The following ATAD2B variants were observed in gnomAD, a reference collection of about 807,000 sequenced individuals.
ATAD2B encodes ATPase family AAA domain-containing protein 2B.
ATAD2B carries 40 observed loss-of-function variants against 167.6 expected under a neutral mutation model. The ratio of observed to expected loss-of-function variants is 0.24; its 90% CI spans 0.19 to 0.31. The LOEUF is 0.31. Among genes scored for constraint, ATAD2B ranks in the 10% least tolerant of loss-of-function variants. ATAD2B has a pLI of 1.00. For synonymous variants in ATAD2B, 579 were observed against 596.5 expected, an observed-to-expected ratio of 0.97 and a Z score of 0.43; for missense variants, 1,242 against 1,757.2, an observed-to-expected ratio of 0.71 and a Z score of 5.24.
rs143077264 is a variant in ATAD2B, at chr2:23,769,145, T to C, written c.3134-3517A>G. On this transcript the variant is annotated intron_variant, in intron 22 of 27. Transcript: ENST00000238789. ...TCTCCAGATGCTTATATCTCTCATATAAAATGAGGTAGTGGCCGAGCACGG... is the reference window on the plus strand; with the variant it reads ...TCTCCAGATGCTTATATCTCTCATACAAAATGAGGTAGTGGCCGAGCACGG... Among the ~76,000 whole-genome samples the C allele has an allele frequency of 8.5e-3, 1,299 of 152,178 alleles. 19 individuals are homozygous for C. Among genetic ancestry groups the C allele is most frequent in the African/African-American group, 0.03 (1,243 of 41,542 alleles).
intron 25 of ATAD2B, among the ~76,000 whole-genome samples, chr2:23,757,015 T>C (rs1236973490): frequency 6.6e-6 from 1 of 152,174 alleles, no homozygotes; most frequent in Non-Finnish European, 1.5e-5. Context: ...TATATCATAC[T>C]GCTATTATCA....
chr2:23,783,834 A>C (rs1419228451), intron 21 of ATAD2B, among the ~76,000 whole-genome samples: 1 of 152,148 alleles, frequency 6.6e-6, no homozygotes. Context: ...GTAATGTCTA[A>C]AATTAGTCCA....
In ATAD2B at chr2:23,926,650, A is replaced by G; in HGVS notation, c.121T>C (p.Ser41Pro). 1 of 1,562,832 alleles carries G rather than the reference A, an allele frequency of 6.4e-7. No individual in the cohort carries two copies. The highest frequency in any genetic ancestry group is 8.7e-7 in the Non-Finnish European group (1 of 1,154,560). ...ATGGSSHFIS[S>P]RTRSSKTRAA... ...CGGGTCTTGGAGGAGCGGGTCCGAG[A>G]GGAGATGAAATGGCTGCTGCCTCCG... The change falls in exon 1 of 28, where the codon TCT becomes CCT. Residue 41 changes from serine to proline, a missense_variant. Around this residue, in one of 9 missense-constraint regions of ATAD2B, gnomAD observed 199 missense variants for 194.9 expected, o/e 1.02. Coordinates refer to ENST00000238789, the MANE Select transcript of ATAD2B (RefSeq NM_017552.4).
chr2:23,856,816 C>T (rs547464404), intron 13 of ATAD2B, among the ~76,000 whole-genome samples: 74 of 152,100 alleles, frequency 4.9e-4, no homozygotes, highest in Non-Finnish European at 1.0e-3. Context: ...GCCGCGATTA[C>T]GCCACTGCAC....
intron 7 of ATAD2B, among the ~76,000 whole-genome samples, chr2:23,876,300 T>A (rs914461173): frequency 3.4e-5 from 5 of 146,362 alleles, no homozygotes; most frequent in African/African-American, 5.2e-5. Context: ...CCCTGTTAAC[T>A]TTTTTTTCTT....
the ATAD2B span, among the ~76,000 whole-genome samples, chr2:23,684,127 A>C: frequency 4.4e-4 from 66 of 151,540 alleles, no homozygotes; most frequent in African/African-American, 1.6e-3. The surrounding 1 kb of genome is among the most constrained non-coding windows in gnomAD (Gnocchi z 4.4). Context: ...CAACCTTTCA[A>C]TTTCTGGGTT....
intron 16 of ATAD2B, among the ~76,000 whole-genome samples, chr2:23,820,642 C>T (rs1220298654): frequency 6.6e-6 from 1 of 152,090 alleles, no homozygotes. Flanking sequence ...AAATCATATC[C>T]TTTCAAAATA....
downstream of ATAD2B, among the ~76,000 whole-genome samples, chr2:23,748,204 T>C (rs188632790): frequency 7.8e-4 from 118 of 152,100 alleles, 1 homozygote; most frequent in Admixed American, 6.9e-3. Context: ...ACAGGAAAAA[T>C]AGGTATTCTG....
At chr2:23,875,658 T>C (rs1254054398) in intron 8 of ATAD2B, among the ~76,000 whole-genome samples, 171 bp downstream of exon 8, 1 of 152,252 alleles carries the variant, frequency 6.6e-6, no homozygotes, top group African/African-American at 2.4e-5. Context: ...AAGAGCTGTG[T>C]AGCTTTAGTG....
At chr2:23,798,778 T>C (rs1248863030) in intron 18 of ATAD2B, among the ~76,000 whole-genome samples, 1 of 152,174 alleles carries the variant, frequency 6.6e-6, no homozygotes. Flanking sequence ...ATACAATATA[T>C]AATCATTTTA....
At chr2:23,695,955 G>C in the ATAD2B span, 1 of 1,551,290 alleles carries the variant, frequency 6.4e-7, no homozygotes, top group Admixed American at 2.0e-5. The surrounding 1 kb of genome is among the most constrained non-coding windows in gnomAD (Gnocchi z 7.6). Context: ...CTGCAGGTGT[G>C]GCTGAGGTCA....
chr2:23,881,165 CT>C (rs1186394007), intron 6 of ATAD2B, among the ~76,000 whole-genome samples: 1 of 151,998 alleles, frequency 6.6e-6, no homozygotes, highest in Non-Finnish European at 1.5e-5. Context: ...AAAAAATATG[CT>C]TATAGGTAAT....
At chr2:23,807,054 C>G (rs572301634) in intron 18 of ATAD2B, among the ~76,000 whole-genome samples, 15 of 152,334 alleles carry the variant, frequency 9.8e-5, no homozygotes, top group African/African-American at 3.1e-4. Context: ...ATGCAGATGA[C>G]ACTGTGAAGT....
chr2:23,834,079 C>T lies in ATAD2B; in HGVS notation c.1569-1G>A. 6.4e-7 allele frequency: 1 copy of T among 1,557,516 alleles called. No homozygotes were observed. The highest frequency in any genetic ancestry group is 8.6e-7 in the Non-Finnish European group (1 of 1,156,708). On this transcript the variant is annotated splice_acceptor_variant, in intron 13 of 27. Transcript: ENST00000238789. LOFTEE classifies it high-confidence loss of function. ...AGCAAGGAGGGTTGATACTATAGAG[C>T]TGTAAAATAATTTTCAGGCAAAATT...
At chr2:23,757,238 C>G (rs186073051) in intron 25 of ATAD2B, among the ~76,000 whole-genome samples, 180 bp downstream of exon 25, 147 of 151,748 alleles carry the variant, frequency 9.7e-4, no homozygotes, top group African/African-American at 2.8e-3. Context: ...GTGCATGCCT[C>G]TGTGTGTGTG....
At position 23,867,869 on chromosome 2, in the gene ATAD2B, A is replaced by G; in HGVS notation, c.1154T>C (p.Leu385Ser). The change falls in exon 10 of 28, where the codon TTG becomes TCG. Residue 385 changes from leucine to serine, a missense_variant. Transcript: ENST00000238789. ...LRERVKVGAS[L>S]ADVDPMNIDK... Reference sequence around the variant, plus strand: ...AATGTTCATTGGATCAACATCAGCCAAGCTTGCACCCACTTTCACTCGTTC... The same window carrying G: ...AATGTTCATTGGATCAACATCAGCCGAGCTTGCACCCACTTTCACTCGTTC... 1.2e-6 allele frequency: 2 copies of G among 1,613,586 alleles called. No homozygotes were observed. Among genetic ancestry groups the G allele is most frequent in the Non-Finnish European group, 1.7e-6 (2 of 1,179,662 alleles).
chr2:23,784,944 T>C (rs1680596685), intron 21 of ATAD2B, among the ~76,000 whole-genome samples: 1 of 152,204 alleles, frequency 6.6e-6, no homozygotes, highest in South Asian at 2.1e-4. Flanking sequence ...AACAAGTCTG[T>C]TTCCTCAACT....
intron 14 of ATAD2B, 121 bp downstream of exon 14, chr2:23,833,798 C>A (rs17761971): frequency 0.16 from 124,319 of 772,470 alleles, 11,222 homozygotes; most frequent in Non-Finnish European, 0.17. Context: ...AAAGCATTAG[C>A]TAAGATATCC....
Position 23,926,608 on chromosome 2 carries a change from CG to C in ATAD2B, c.162del (p.Ala55ProfsTer26). On this transcript the variant is annotated frameshift_variant, in exon 1 of 28. Transcript: ENST00000238789. LOFTEE classifies it high-confidence loss of function. ...RSSKTRAASCPAAKAGGSGGA... is the reference protein window; with the variant it reads ...RSSKTRAASCXAAKAGGSGGA... ...CCACCGCTTCCCCCGGCTTTGGCGG[CG>C]GGGCAGCTGGCGGCGCGGGTCTTGG... 1 of 1,564,040 alleles carries C rather than the reference CG, an allele frequency of 6.4e-7. No individual in the cohort carries two copies. The highest frequency in any genetic ancestry group is 1.9e-5 in the Admixed American group (1 of 52,766).
Sources: allele counts gnomAD v4.1 joint callset (sites outside exome capture counted in the v4.1 genomes callset), GRCh38; gene constraint gnomAD v4.1.1; regional missense constraint gnomAD v4.1.1; non-coding constraint Gnocchi (gnomAD v3.1); transcripts MANE v1.5; gene names NCBI Gene and HGNC (gene_info 2026-07-23, HGNC 2026-07-21).